The following EPS15 variants were observed in gnomAD, a reference collection of about 807,000 sequenced individuals.
EPS15 encodes the protein epidermal growth factor receptor substrate 15.
Under a neutral mutation model 113.8 loss-of-function variants are expected in EPS15, and 72 were observed. The observed-to-expected ratio is 0.63, with a 90% CI of 0.52 to 0.77. The LOEUF (loss-of-function observed/expected upper bound fraction) is 0.77. Ranked by LOEUF, EPS15 falls within the 30% of genes least tolerant of loss-of-function variation. The probability of loss-of-function intolerance (pLI) is 0.00; values close to 1 mark genes in which losing one functional copy is unlikely to be tolerated. For synonymous variants in EPS15, 344 were observed against 363.4 expected, an observed-to-expected ratio of 0.95 and a Z score of 0.61; for missense variants, 1,048 against 1,045.8, an observed-to-expected ratio of 1.00 and a Z score of -0.03.
At chr1:51,436,364 A>C (rs987618345) in intron 12 of EPS15, among the ~76,000 whole-genome samples, 30 of 152,160 alleles carry the variant, frequency 2.0e-4, no homozygotes, top group Admixed American at 2.0e-3. Flanking sequence ...TACAGCCATG[A>C]TCCAGATAAA....
chr1:51,368,111 G>A (rs553699920), intron 21 of EPS15, among the ~76,000 whole-genome samples: 2 of 152,256 alleles, frequency 1.3e-5, no homozygotes, highest in East Asian at 1.9e-4. Flanking sequence ...CAGCCTGGGC[G>A]ACAGAGCAAG....
chr1:51,500,111 A>G (rs1445465009), intron 1 of EPS15, among the ~76,000 whole-genome samples: 3 of 152,212 alleles, frequency 2.0e-5, no homozygotes, highest in Non-Finnish European at 4.4e-5. Context: ...TTCTTGTAGC[A>G]TATATCAGAA....
chr1:51,509,510 T>C (rs912957093), intron 1 of EPS15, among the ~76,000 whole-genome samples: 3 of 152,228 alleles, frequency 2.0e-5, no homozygotes, highest in African/African-American at 7.2e-5. Flanking sequence ...TTACAGCTAA[T>C]GGTTCCAGGT....
chr1:51,407,570 T>C (rs1649250339), intron 15 of EPS15, among the ~76,000 whole-genome samples: 1 of 152,226 alleles, frequency 6.6e-6, no homozygotes, highest in African/African-American at 2.4e-5. Context: ...GCAAAGGATC[T>C]ATACATAAGA....
chr1:51,510,273 A>G (rs1294247682), intron 1 of EPS15, among the ~76,000 whole-genome samples: 1 of 152,214 alleles, frequency 6.6e-6, no homozygotes, highest in Admixed American at 6.5e-5. Context: ...ATGAATGTTC[A>G]TTCTTATCCC....
At chr1:51,441,536 G>A (rs1009155205) in intron 11 of EPS15, among the ~76,000 whole-genome samples, 10 of 152,010 alleles carry the variant, frequency 6.6e-5, no homozygotes, top group African/African-American at 2.4e-4. Context: ...CAGAACATAA[G>A]ACTTTGTGTT....
chr1:51,430,233 A>C (rs1433108190), intron 12 of EPS15, among the ~76,000 whole-genome samples: 1 of 152,106 alleles, frequency 6.6e-6, no homozygotes, highest in African/African-American at 2.4e-5. Context: ...TTCGTTTTTA[A>C]TTTAAACAAT....
intron 5 of EPS15, among the ~76,000 whole-genome samples, chr1:51,467,573 T>C (rs1654931933): frequency 6.6e-6 from 1 of 152,216 alleles, no homozygotes; most frequent in Non-Finnish European, 1.5e-5. Context: ...TAGAATTATG[T>C]GCATAGCAGG....
chr1:51,408,409 AT>A, intron 14 of EPS15, 77 bp from the exon 15 acceptor site: 1 of 1,061,096 alleles, frequency 9.4e-7, no homozygotes, highest in Non-Finnish European at 1.4e-6. Flanking sequence ...AATGCAATAC[AT>A]TTATTTGTTT....
At chr1:51,371,523 G>A (rs12025681) in intron 21 of EPS15, among the ~76,000 whole-genome samples, 33 of 144,982 alleles carry the variant, frequency 2.3e-4, no homozygotes, top group East Asian at 5.9e-4. Context: ...AAAAAAAAAA[G>A]AAAAAAAAAA....
At chr1:51,485,019 G>T (rs946564675) in intron 1 of EPS15, among the ~76,000 whole-genome samples, 3 of 152,162 alleles carry the variant, frequency 2.0e-5, no homozygotes, top group Non-Finnish European at 4.4e-5. Flanking sequence ...CAGGAGCAAT[G>T]AGCTATAAAG....
rs781369772 is a variant in EPS15, at chr1:51,447,084, T to C, written c.673A>G (p.Lys225Glu). ...AGGAAGATTTCATCATATTTAGCTT[T>C]TTCTGCAGGGGATACAACCCACTAC... ...RKTWVVSPAE[K>E]AKYDEIFLKT... is the part of the protein sequence containing the mutation. The change falls in exon 10 of 25, where the codon AAA (lysine) becomes GAA (glutamate). Residue 225 changes from lysine to glutamate, a missense_variant. Transcript: ENST00000371733. 4.3e-6 allele frequency: 7 copies of C among 1,613,298 alleles called. No homozygotes were observed. The highest frequency in any genetic ancestry group is 5.1e-6 in the Non-Finnish European group (6 of 1,179,742).
chr1:51,423,209 G>C, intron 12 of EPS15: 1 of 1,288,648 alleles, frequency 7.8e-7, no homozygotes, highest in South Asian at 1.2e-5. Flanking sequence ...CTCACTAACC[G>C]TTTGTCAGAT....
rs1570311085 is a variant in EPS15, at chr1:51,440,387, C to T, written c.1000G>A (p.Glu334Lys). The T allele has an allele frequency of 6.3e-7, 1 of 1,583,538 alleles. No homozygotes were observed. Among genetic ancestry groups the T allele is most frequent in the Non-Finnish European group, 8.6e-7 (1 of 1,161,264 alleles). ...SPVADFSAIK[E>K]LDTLNNEIVD... ...ATTTCATTGTTAAGAGTATCTAGTT[C>T]CTTAATAGCAGAGAAATCTGCAACA... Residue 334 changes from glutamate (E) to lysine (K), a missense_variant, in exon 12 of 25, where the codon GAA (glutamate) becomes AAA (lysine). Physicochemically the swap from Glu to Lys is moderately conservative, Grantham distance 56. Transcript: ENST00000371733.
At chr1:51,431,000 ACACACACACACACACACACACACACAC>A (rs1482347202) in intron 12 of EPS15, among the ~76,000 whole-genome samples, 12 of 148,920 alleles carry the variant, frequency 8.1e-5, no homozygotes, top group African/African-American at 2.8e-4. Context: ...ACACACACAC[ACACACACACACACACACACACACACAC>A]AAAAATAAAA....
intron 14 of EPS15, among the ~76,000 whole-genome samples, chr1:51,409,073 A>T (rs552620288): frequency 2.0e-5 from 3 of 152,244 alleles, no homozygotes; most frequent in Non-Finnish European, 4.4e-5. Flanking sequence ...GGCGTGAGCC[A>T]CTGCACCCAA....
chr1:51,364,941 C>T (rs768794633), intron 22 of EPS15, among the ~76,000 whole-genome samples: 19 of 151,998 alleles, frequency 1.3e-4, no homozygotes, highest in South Asian at 4.2e-4. Context: ...GTGATCCTCC[C>T]GCCTCAGCCT....
intron 21 of EPS15, among the ~76,000 whole-genome samples, chr1:51,392,059 A>G (rs1008975575): frequency 2.0e-5 from 3 of 152,208 alleles, no homozygotes; most frequent in African/African-American, 7.2e-5. Flanking sequence ...ATAAAAAAGA[A>G]AAGAGGTCCA....
At chr1:51,477,811 C>T (rs1643939030) in intron 2 of EPS15, among the ~76,000 whole-genome samples, 1 of 152,184 alleles carries the variant, frequency 6.6e-6, no homozygotes, top group Non-Finnish European at 1.5e-5. Context: ...GCACTGTGGT[C>T]TGAGAGACAG....
Sources: allele counts gnomAD v4.1 joint callset (sites outside exome capture counted in the v4.1 genomes callset), GRCh38; gene constraint gnomAD v4.1.1; transcripts MANE v1.5; gene names NCBI Gene and HGNC (gene_info 2026-07-23, HGNC 2026-07-21).